Variants in ZNF565 observed in about 807,000 individuals in gnomAD.
ZNF565 encodes the protein zinc finger protein 565.
In ZNF565, 27 loss-of-function variants were observed where a neutral mutation model predicts 39.4. That is an observed-to-expected ratio of 0.69 (90% CI 0.51 to 0.95). The LOEUF (loss-of-function observed/expected upper bound fraction) is 0.95. ZNF565 is among the 40% of genes least tolerant of loss of function. The pLI is 0.00. For missense variants in ZNF565, 524 were observed against 621.1 expected (o/e 0.84, Z 1.66); for synonymous variants, 185 against 216.6 (o/e 0.85, Z 1.28).
intron 4 of ZNF565, among the ~76,000 whole-genome samples, chr19:36,185,322 G>C (rs1975250825): frequency 6.7e-6 from 1 of 149,604 alleles, no homozygotes; most frequent in Non-Finnish European, 1.5e-5. Flanking sequence ...GCTGAGGCAG[G>C]AGAATCACTT....
chr19:36,196,548 A>G (rs1457464852), intron 2 of ZNF565, among the ~76,000 whole-genome samples: 1 of 152,244 alleles, frequency 6.6e-6, no homozygotes, highest in Non-Finnish European at 1.5e-5. Context: ...ATCTGCAGAC[A>G]GCAGGACACT....
At chr19:36,224,977 C>T (rs2145419352) in intron 1 of ZNF565, among the ~76,000 whole-genome samples, 1 of 83,968 alleles carries the variant, frequency 1.2e-5, no homozygotes, top group East Asian at 2.9e-4. Context: ...CCCTGCTTTC[C>T]TTAGTTATTT....
intron 4 of ZNF565, among the ~76,000 whole-genome samples, chr19:36,191,889 T>A (rs571519143): frequency 6.6e-5 from 10 of 152,202 alleles, no homozygotes; most frequent in African/African-American, 2.2e-4. Context: ...AGCAGCACAT[T>A]TGCCTAGTGT....
Position 36,193,445 on chromosome 19 carries a change from T to C in ZNF565, c.232+788A>G, listed in dbSNP as rs192838956. On this transcript the variant is annotated intron_variant, in intron 4 of 4. Coordinates refer to ENST00000304116, the MANE Select transcript of ZNF565 (RefSeq NM_152477.5). ...GAAAATAAGTTTTTCTTTTTTCTTTTTTTTTTTTTTTTTGAGACAGAGTCT... is the reference window on the plus strand; with the variant it reads ...GAAAATAAGTTTTTCTTTTTTCTTTCTTTTTTTTTTTTTGAGACAGAGTCT... Among the ~76,000 whole-genome samples the C allele has an allele frequency of 8.4e-3, 1,240 of 148,206 alleles. 27 individuals carry two copies. Among genetic ancestry groups the C allele is most frequent in the East Asian group, 0.078 (392 of 5,026 alleles).
At chr19:36,216,512 G>A (rs1002605299), upstream of ZNF565, among the ~76,000 whole-genome samples, 3 of 143,238 alleles carry the variant, frequency 2.1e-5, no homozygotes, top group Admixed American at 1.4e-4. Context: ...ACAAAAATTA[G>A]CCGGGCGTGG....
At chr19:36,236,825 G>A (rs756286018) in intron 1 of ZNF565, 42 of 1,614,032 alleles carry the variant, frequency 2.6e-5, no homozygotes, top group Non-Finnish European at 3.6e-5. Flanking sequence ...GAAGCCCTTT[G>A]TATGTAAGGA....
chr19:36,236,534 A>C, intron 1 of ZNF565: 1 of 1,614,164 alleles, frequency 6.2e-7, no homozygotes, highest in South Asian at 1.1e-5. Context: ...ATCAAACCTC[A>C]CTGAGCATGA....
upstream of ZNF565, chr19:36,218,093 A>AATTTTTTTTTT (rs1976687009): frequency 9.2e-6 from 1 of 108,634 alleles, no homozygotes; most frequent in African/African-American, 3.6e-5. Flanking sequence ...GCATGAGCTA[A>AATTTTTTTTTT]TTTTTTTTTT....
intron 1 of ZNF565, among the ~76,000 whole-genome samples, chr19:36,219,799 G>A (rs1282274680): frequency 6.6e-6 from 1 of 152,110 alleles, no homozygotes; most frequent in Non-Finnish European, 1.5e-5. Context: ...GTGTAAAAAT[G>A]TAGTAGTCTA....
chr19:36,241,654 T>C (rs1456802364), intron 1 of ZNF565, among the ~76,000 whole-genome samples: 3 of 150,356 alleles, frequency 2.0e-5, no homozygotes, highest in African/African-American at 7.3e-5. Flanking sequence ...TAGCTGGGCG[T>C]GGTAGTGGAC....
intron 2 of ZNF565, among the ~76,000 whole-genome samples, chr19:36,200,545 G>C (rs373079779): frequency 6.6e-6 from 1 of 150,966 alleles, no homozygotes; most frequent in African/African-American, 2.4e-5. Context: ...CTGGAGTGCA[G>C]TGGCGTAATC....
chr19:36,187,298 A>C (rs546715428), intron 4 of ZNF565, among the ~76,000 whole-genome samples: 1 of 152,204 alleles, frequency 6.6e-6, no homozygotes, highest in East Asian at 1.9e-4. Context: ...TTATGTTTCT[A>C]AAGTTATATA....
chr19:36,237,430 A>G (rs1228372088), intron 1 of ZNF565: 1 of 1,358,462 alleles, frequency 7.4e-7, no homozygotes, highest in Admixed American at 2.8e-5. Flanking sequence ...GGTTAACTTT[A>G]ACAAGTACTA....
intron 1 of ZNF565, chr19:36,228,439 C>T (rs1057359898): frequency 1.3e-5 from 2 of 152,234 alleles, no homozygotes; most frequent in Non-Finnish European, 2.9e-5. Flanking sequence ...GTGTGAACAG[C>T]TCTCCTGTGT....
intron 1 of ZNF565, among the ~76,000 whole-genome samples, chr19:36,243,244 G>C (rs1398783644): frequency 6.6e-6 from 1 of 152,130 alleles, no homozygotes; most frequent in Non-Finnish European, 1.5e-5. Flanking sequence ...CTGTTGGCCA[G>C]GCTGGTCTCA....
intron 1 of ZNF565, chr19:36,236,186 G>A: frequency 2.5e-6 from 1 of 398,914 alleles, no homozygotes; most frequent in Non-Finnish European, 4.4e-6. Context: ...ATTCATGCTG[G>A]AGAGAAACTA....
intron 1 of ZNF565, among the ~76,000 whole-genome samples, chr19:36,224,400 G>A (rs930535010): frequency 1.3e-5 from 2 of 152,144 alleles, no homozygotes; most frequent in African/African-American, 4.8e-5. Context: ...TTAAAAAAAG[G>A]TCTTATGTTT....
chr19:36,190,206 C>T (rs114950396), intron 4 of ZNF565, among the ~76,000 whole-genome samples: 4,632 of 152,136 alleles, frequency 0.03, 174 homozygotes, highest in African/African-American at 0.093. Flanking sequence ...GGTGGGATAA[C>T]GGCACTCAAA....
Position 36,209,717 on chromosome 19 carries a change from C to T in ZNF565, c.-66+4905G>A, listed in dbSNP as rs867759368. On this transcript the variant is annotated intron_variant, in intron 1 of 4. Transcript: ENST00000304116. ...AGTAATAAATGAACAATCTATATTA[C>T]ACATAAATATTATGAATACAAAGGG... is the stretch of plus-strand genomic sequence containing the variant. 1.1e-3 allele frequency among the ~76,000 whole-genome samples: 161 copies of T among 152,096 alleles called. 2 individuals are homozygous for T. Among genetic ancestry groups the T allele is most frequent in the African/African-American group, 3.8e-3 (156 of 41,492 alleles).
Sources: gnomAD v4.1 joint callset for allele counts (sites outside exome capture counted in the v4.1 genomes callset) on GRCh38, gnomAD v4.1.1 for gene constraint, MANE v1.5 for transcripts, NCBI Gene and HGNC (gene_info 2026-07-23, HGNC 2026-07-21) for gene names.